Variants in DOCK6 observed in about 807,000 individuals in gnomAD.
The protein encoded by DOCK6 is dedicator of cytokinesis protein 6.
Under a neutral mutation model 230.3 loss-of-function variants are expected in DOCK6, and 167 were observed. The observed-to-expected ratio is 0.73, with a 90% CI of 0.64 to 0.82. The LOEUF is 0.82. Among genes scored for constraint, DOCK6 ranks in the 40% least tolerant of loss-of-function variants. The pLI, the probability that DOCK6 is intolerant of heterozygous loss-of-function variation, is 0.00. For synonymous variants in DOCK6, 1,148 were observed against 1,185.0 expected, an observed-to-expected ratio of 0.97 and a Z score of 0.64; for missense variants, 2,598 against 2,825.8, an observed-to-expected ratio of 0.92 and a Z score of 1.83.
In DOCK6 at chr19:11,200,987, A is replaced by C. The variant is rs1332112428; in HGVS notation, c.5754T>G (p.Phe1918Leu). ...CATCTGGTGGGTCCTGCTCGGTGGCAAAGGCCAGCTCCCGTGTCTTCTTCT... is the reference window on the plus strand; with the variant it reads ...CATCTGGTGGGTCCTGCTCGGTGGCCAAGGCCAGCTCCCGTGTCTTCTTCT... ...DMQKKTRELA[F>L]ATEQDPPDAK... The change falls in exon 45 of 48, where the codon TTT (phenylalanine) becomes TTG (leucine). Residue 1918 changes from phenylalanine (F) to leucine (L), a missense_variant. Transcript: ENST00000294618. This position sits in a 1 kb window ranked among gnomAD's most constrained non-coding sequence, Gnocchi z 4.3. The C allele has an allele frequency of 1.9e-6, 3 of 1,613,808 alleles. No individual in the cohort carries two copies. In the South Asian group the frequency reaches 3.3e-5, roughly 18 times the overall value.
In DOCK6 at chr19:11,215,605, G is replaced by A. The variant is rs1418339809; in HGVS notation, c.4022-134C>T. 1.0e-5 allele frequency: 13 copies of A among 1,269,774 alleles called. No individual in the cohort carries two copies. In the Admixed American group the frequency reaches 1.4e-4, roughly 14 times the overall value. 78.7% of individuals were successfully genotyped at this position (1,269,774 alleles called of 1,614,324 possible). A position where few individuals can be genotyped will look rare whatever the true frequency, so the allele number is the denominator to read the frequency against. ...GCACTGGGTGGAGCAGAAGCCTGCC[G>A]GGTGGACGCACAGGGGCAAACACGA... is the stretch of plus-strand genomic sequence containing the variant. On this transcript the variant is annotated intron_variant, in intron 31 of 47. Transcript: ENST00000294618.
intron 2 of DOCK6, 54 bp downstream of exon 2, chr19:11,253,585 T>C (rs1175221372): frequency 8.4e-7 from 1 of 1,195,104 alleles, no homozygotes; most frequent in Non-Finnish European, 1.1e-6. Context: ...AGGAAGCCCC[T>C]ACCTCTGTCT....
At chr19:11,228,084 C>T (rs2079699093) in intron 23 of DOCK6, among the ~76,000 whole-genome samples, 1 of 148,418 alleles carries the variant, frequency 6.7e-6, no homozygotes, top group African/African-American at 2.5e-5. Flanking sequence ...AATCTTGACT[C>T]ACTGCAACCT....
intron 23 of DOCK6, among the ~76,000 whole-genome samples, chr19:11,228,638 C>A (rs2079710119): frequency 6.7e-6 from 1 of 150,230 alleles, no homozygotes; most frequent in African/African-American, 2.5e-5. Context: ...CGGCTCACTG[C>A]AAGCTCCTCC....
At chr19:11,205,219 C>T (rs1568667142) in intron 39 of DOCK6, among the ~76,000 whole-genome samples, 1 of 152,034 alleles carries the variant, frequency 6.6e-6, no homozygotes, top group Admixed American at 6.6e-5. Context: ...TTTTCGTAAT[C>T]TTTTTTTTAA....
Position 11,243,119 on chromosome 19 carries a change from TGAA to T in DOCK6, c.1417_1419del (p.Phe473del), listed in dbSNP as rs2079972722. On this transcript the variant is annotated inframe_deletion, in exon 13 of 48. Coordinates refer to ENST00000294618, the MANE Select transcript of DOCK6 (RefSeq NM_020812.4). This position sits in a 1 kb window ranked among gnomAD's most constrained non-coding sequence, Gnocchi z 6.3. ...GGGCGCCTCATGTCAGCCAGGAACT[TGAA>T]GAGGTCCTCGTCACTGAGTCGCTCA... 1 of 1,613,882 alleles carries T rather than the reference TGAA, an allele frequency of 6.2e-7. No homozygotes were observed. The highest frequency in any genetic ancestry group is 1.7e-5 in the Admixed American group (1 of 60,000).
At chr19:11,260,607 G>A (rs1290521402) in intron 1 of DOCK6, among the ~76,000 whole-genome samples, 4 of 146,120 alleles carry the variant, frequency 2.7e-5, no homozygotes, top group Non-Finnish European at 6.0e-5. Context: ...AAAAAAAAAA[G>A]CCTGGGTGCA....
intron 22 of DOCK6, 104 bp downstream of exon 22, chr19:11,233,099 T>G: frequency 6.9e-7 from 1 of 1,441,078 alleles, no homozygotes; most frequent in Non-Finnish European, 9.3e-7. Flanking sequence ...TCATTCACGT[T>G]GTCGTCTCTG....
intron 24 of DOCK6, among the ~76,000 whole-genome samples, chr19:11,226,270 G>A (rs1265301589): frequency 6.6e-6 from 1 of 152,188 alleles, no homozygotes; most frequent in African/African-American, 2.4e-5. Flanking sequence ...TGTGGTACAA[G>A]GTTAAGCTAC....
intron 2 of DOCK6, among the ~76,000 whole-genome samples, chr19:11,253,318 G>A (rs1437636055): frequency 6.6e-6 from 1 of 152,118 alleles, no homozygotes; most frequent in Non-Finnish European, 1.5e-5. Flanking sequence ...TCAGGCGAAA[G>A]TCACTCCCCT....
At chr19:11,240,336 T>C in intron 14 of DOCK6, 1 of 1,496,524 alleles carries the variant, frequency 6.7e-7, no homozygotes, top group Non-Finnish European at 8.9e-7. Flanking sequence ...GAGACCCTGA[T>C]TTCCGGCCAG....
At position 11,243,950 on chromosome 19, in the gene DOCK6, C is replaced by CA. The variant is rs1433873509; in HGVS notation, c.1024-69dup. 1.6e-5 allele frequency: 24 copies of CA among 1,533,906 alleles called. No homozygotes were observed. Among genetic ancestry groups the CA allele is most frequent in the Non-Finnish European group, 2.1e-5 (24 of 1,129,918 alleles). On this transcript the variant is annotated intron_variant, in intron 9 of 47. Transcript: ENST00000294618. This position sits in a 1 kb window ranked among gnomAD's most constrained non-coding sequence, Gnocchi z 6.3. ...GCTCTGTTCCCCCGTGCTGGCTCCC[C>CA]AGCCTCCTGGACCCCTCATGGGCCC...
At chr19:11,233,850 T>G (rs1442004946) in intron 21 of DOCK6, among the ~76,000 whole-genome samples, 2 of 151,856 alleles carry the variant, frequency 1.3e-5, no homozygotes, top group African/African-American at 4.8e-5. Context: ...TTTTTTTTTT[T>G]TCTTAGAGAG....
intron 6 of DOCK6, 21 bp from the exon 7 acceptor site, chr19:11,248,172 GAGCT>G: frequency 2.2e-6 from 3 of 1,393,390 alleles, no homozygotes; most frequent in Non-Finnish European, 3.0e-6. Context: ...TGGGGGGTGG[GAGCT>G]GGGCGGGAGG....
chr19:11,242,365 GCTGT>G lies in DOCK6; in HGVS notation c.1481-162_1481-159del, dbSNP rs1286834397. Among the ~76,000 whole-genome samples, 12 of 152,100 alleles carry G rather than the reference GCTGT, an allele frequency of 7.9e-5. No individual in the cohort carries two copies. The East Asian group carries it at 1.2e-3, about 15-fold the overall frequency. ...AAGGCCAGAAATTGCCCTCAACTCT[GCTGT>G]CTGTCACCCTAAATTTTTTTTCGTT... On this transcript the variant is annotated intron_variant, in intron 13 of 47. Transcript: ENST00000294618.
chr19:11,262,348 G>A, intron 1 of DOCK6, 49 bp downstream of exon 1: 1 of 1,202,130 alleles, frequency 8.3e-7, no homozygotes, highest in South Asian at 3.6e-5. Context: ...CCCCGGGGCG[G>A]AGCCGGGCCA....
chr19:11,248,004 C>T (rs1290974013), intron 7 of DOCK6, 62 bp downstream of exon 7: 2 of 1,449,308 alleles, frequency 1.4e-6, no homozygotes, highest in East Asian at 2.4e-5. Flanking sequence ...TAGTGTGTAC[C>T]CCGCCGGAAC....
chr19:11,247,726 A>C (rs2080057388), intron 7 of DOCK6: 2 of 195,440 alleles, frequency 1.0e-5, no homozygotes, highest in Non-Finnish European at 1.1e-5. Flanking sequence ...CAAGCGCCAG[A>C]CTCCAGCCTT....
In DOCK6 at chr19:11,243,031, C is replaced by T; in HGVS notation, c.1480+28G>A. The T allele has an allele frequency of 6.2e-7, 1 of 1,612,874 alleles. No homozygotes were observed. Among genetic ancestry groups the T allele is most frequent in the Non-Finnish European group, 8.5e-7 (1 of 1,179,554 alleles). On this transcript the variant is annotated intron_variant, in intron 13 of 47. Transcript: ENST00000294618. This position sits in a 1 kb window ranked among gnomAD's most constrained non-coding sequence, Gnocchi z 6.3. ...GTTGAGTGGCTGAGTGAGAGTGATA[C>T]TTCTTGTGTATGGGGTGTGCCACGC...
Sources: gnomAD v4.1 joint callset for allele counts (sites outside exome capture counted in the v4.1 genomes callset) on GRCh38, gnomAD v4.1.1 for gene constraint, Gnocchi (gnomAD v3.1) non-coding constraint, MANE v1.5 for transcripts, NCBI Gene and HGNC (gene_info 2026-07-23, HGNC 2026-07-21) for gene names.